The following LRRC7 variants were observed in gnomAD, a reference collection of about 807,000 sequenced individuals.
The protein encoded by LRRC7 is leucine rich repeat containing 7.
Under a neutral mutation model 175.7 loss-of-function variants are expected in LRRC7, and 23 were observed. The observed-to-expected ratio is 0.13, with a 90% confidence interval of 0.09 to 0.19. The LOEUF (loss-of-function observed/expected upper bound fraction) is 0.19, where lower values mean the gene tolerates loss of function less well. Among genes scored for constraint, LRRC7 ranks in the 10% least tolerant of loss-of-function variants. The pLI is 1.00. For missense variants in LRRC7, 1,354 were observed against 1,904.7 expected, an observed-to-expected ratio of 0.71 and a Z score of 5.38; for synonymous variants, 685 against 680.9, an observed-to-expected ratio of 1.01 and a Z score of -0.09.
chr1:69,926,642 T>C (rs1161438893), intron 7 of LRRC7, among the ~76,000 whole-genome samples: 1 of 151,720 alleles, frequency 6.6e-6, no homozygotes, highest in Admixed American at 6.6e-5. Flanking sequence ...CCTGCCTTTT[T>C]TTGTTTCCAT....
Position 69,700,070 on chromosome 1 carries a change from A to T in LRRC7, c.100+21592A>T, listed in dbSNP as rs964424379. Among the ~76,000 whole-genome samples the T allele has an allele frequency of 5.0e-4, 76 of 152,238 alleles. 1 individual carries two copies. Among genetic ancestry groups the T allele is most frequent in the African/African-American group, 1.8e-3 (75 of 41,542 alleles). On this transcript the variant is annotated intron_variant, in intron 2 of 26. Coordinates refer to ENST00000651989, the MANE Select transcript of LRRC7 (RefSeq NM_001370785.2). ...CCTTCACAAATTCACCTTCTTTTTC[A>T]ACATTCTGATCCCTCTTAAATCAGT...
intron 9 of LRRC7, among the ~76,000 whole-genome samples, chr1:69,981,973 C>T (rs889328754): frequency 6.6e-6 from 1 of 152,116 alleles, no homozygotes. Context: ...ACAGCCAGTA[C>T]CCCAGGGAGC....
chr1:69,638,446 G>T (rs1250088182), intron 1 of LRRC7, among the ~76,000 whole-genome samples: 1 of 151,660 alleles, frequency 6.6e-6, no homozygotes, highest in African/African-American at 2.4e-5. Context: ...ATCATTTGTT[G>T]CATTTTTAAT....
chr1:70,003,665 A>G (rs1345297917), intron 11 of LRRC7, among the ~76,000 whole-genome samples: 7 of 152,128 alleles, frequency 4.6e-5, no homozygotes, highest in African/African-American at 1.7e-4. Context: ...TTTAAGAGTC[A>G]TCCTCCTTCA....
intron 7 of LRRC7, among the ~76,000 whole-genome samples, chr1:69,884,547 C>G (rs7518637): frequency 0.45 from 59,073 of 131,986 alleles, 16,029 homozygotes; most frequent in East Asian, 0.6. Context: ...GATATACAAT[C>G]ATGTCGTCTG....
At chr1:69,776,175 T>C (rs954108363) in intron 3 of LRRC7, among the ~76,000 whole-genome samples, 1 of 152,154 alleles carries the variant, frequency 6.6e-6, no homozygotes, top group African/African-American at 2.4e-5. Flanking sequence ...CCTTGAAAGA[T>C]TGTCTTACTC....
intron 17 of LRRC7, among the ~76,000 whole-genome samples, chr1:70,024,267 T>C (rs566942587): frequency 1.1e-4 from 16 of 151,552 alleles, no homozygotes; most frequent in African/African-American, 3.6e-4. Context: ...CAAATTAGAA[T>C]TTGATCATGA....
At chr1:69,928,512 T>C (rs2421310) in intron 7 of LRRC7, among the ~76,000 whole-genome samples, 62,496 of 152,124 alleles carry the variant, frequency 0.41, 13,627 homozygotes, top group East Asian at 0.55. Context: ...TGGGCAATGG[T>C]GGGCGCCCCT....
At chr1:69,952,298 A>G (rs1650022240) in intron 8 of LRRC7, among the ~76,000 whole-genome samples, 1 of 152,024 alleles carries the variant, frequency 6.6e-6, no homozygotes, top group African/African-American at 2.4e-5. Flanking sequence ...AACATATGAT[A>G]TGTTTTTAGT....
At chr1:69,876,678 A>G (rs991664245) in intron 7 of LRRC7, among the ~76,000 whole-genome samples, 1 of 152,186 alleles carries the variant, frequency 6.6e-6, no homozygotes, top group African/African-American at 2.4e-5. Context: ...CTGAAATCCA[A>G]GCTCTTCATC....
chr1:69,650,919 G>A (rs546939928), intron 1 of LRRC7, among the ~76,000 whole-genome samples: 17 of 152,118 alleles, frequency 1.1e-4, no homozygotes, highest in Admixed American at 9.8e-4. Flanking sequence ...GATTATAGCT[G>A]CCACTGATAT....
rs561130416 is a variant in LRRC7 at position 70,059,473 on chromosome 1, A to G, written c.4230+6328A>G. Among the ~76,000 whole-genome samples, 41 of 99,612 alleles carry G rather than the reference A, an allele frequency of 4.1e-4. No homozygotes were observed. In the Middle Eastern group the frequency reaches 0.014, roughly 35 times the overall value. The allele number at this position is 99,612 out of a possible 152,430, so 65.3% of individuals were successfully genotyped here. A position where few individuals can be genotyped will look rare whatever the true frequency, so the allele number is the denominator to read the frequency against. Reference sequence around the variant, plus strand: ...TTTATCAGAAGAAGAAACTAGAAGAAAGTGTGTGTGTGTGTGTGTGTGTGT... The same window carrying G: ...TTTATCAGAAGAAGAAACTAGAAGAGAGTGTGTGTGTGTGTGTGTGTGTGT... On this transcript the variant is annotated intron_variant, in intron 23 of 26. Coordinates refer to ENST00000651989, the MANE Select transcript of LRRC7 (RefSeq NM_001370785.2).
chr1:69,850,586 C>A (rs1364392423), intron 7 of LRRC7, among the ~76,000 whole-genome samples: 3 of 151,946 alleles, frequency 2.0e-5, no homozygotes, highest in African/African-American at 7.3e-5. Flanking sequence ...GTTATGGAGA[C>A]AATGAGTGGG....
intron 8 of LRRC7, among the ~76,000 whole-genome samples, chr1:69,963,102 G>A (rs1312425140): frequency 1.3e-5 from 2 of 151,976 alleles, no homozygotes; most frequent in African/African-American, 2.4e-5. Context: ...TCAGGAGTTT[G>A]AGACCAGCCT....
intron 26 of LRRC7, among the ~76,000 whole-genome samples, chr1:70,109,773 A>C (rs1665396685): frequency 6.6e-6 from 1 of 152,222 alleles, no homozygotes; most frequent in Non-Finnish European, 1.5e-5. Flanking sequence ...AACTAACAAC[A>C]TAACTCTCTA....
intron 1 of LRRC7, among the ~76,000 whole-genome samples, chr1:69,615,811 A>G (rs969631036): frequency 3.3e-5 from 5 of 152,050 alleles, no homozygotes; most frequent in Non-Finnish European, 7.4e-5. Flanking sequence ...AAGATTAAAA[A>G]ATGTATACAG....
rs57846147 is a variant in LRRC7 at position 69,676,007 on chromosome 1, GCACACACA to G, written c.3-2347_3-2340del. Among the ~76,000 whole-genome samples, 1,174 of 147,464 alleles carry G rather than the reference GCACACACA, an allele frequency of 8.0e-3. 7 individuals are homozygous for G. Among genetic ancestry groups the G allele is most frequent in the African/African-American group, 0.027 (1,080 of 40,062 alleles). On this transcript the variant is annotated intron_variant, in intron 1 of 26. Coordinates refer to ENST00000651989, the MANE Select transcript of LRRC7 (RefSeq NM_001370785.2). ...CATAGGGATAGGCATATGAGTGCAT[GCACACACA>G]CACACACACACACACACACACACAC...
At chr1:69,714,146 C>T (rs186533739) in intron 2 of LRRC7, among the ~76,000 whole-genome samples, 315 of 152,270 alleles carry the variant, frequency 2.1e-3, no homozygotes, top group Non-Finnish European at 3.3e-3. Flanking sequence ...CCTTCTGCCA[C>T]TCCCAGACAC....
At chr1:69,931,463 A>G (rs1570707444) in intron 7 of LRRC7, 44 bp from the exon 8 acceptor site, 3 of 1,503,416 alleles carry the variant, frequency 2.0e-6, no homozygotes, top group Admixed American at 1.7e-5. Context: ...AGAGCAATGT[A>G]TCATGCACTA....
Sources: allele counts gnomAD v4.1 joint callset (sites outside exome capture counted in the v4.1 genomes callset), GRCh38; gene constraint gnomAD v4.1.1; transcripts MANE v1.5; gene names NCBI Gene and HGNC (gene_info 2026-07-23, HGNC 2026-07-21).